The following FLNC variants were observed in gnomAD, a reference collection of about 807,000 sequenced individuals.
The protein encoded by FLNC is filamin C.
In FLNC, 91 loss-of-function variants were observed where a neutral mutation model predicts 254.3. The observed-to-expected ratio is 0.36, with a 90% CI of 0.30 to 0.43. FLNC has a LOEUF of 0.43. FLNC is among the 20% of genes least tolerant of loss of function. FLNC has a pLI of 1.00. For missense variants in FLNC, 2,853 were observed against 3,802.6 expected (o/e 0.75, Z 6.57); for synonymous variants, 1,430 against 1,577.2 (o/e 0.91, Z 2.21).
Position 128,853,018 on chromosome 7 carries a change from C to A in FLNC, c.6195C>A (p.Asp2065Glu), listed in dbSNP as rs766936904. The change falls in exon 37 of 48, where the codon GAC becomes GAA. Residue 2065 changes from aspartate (D) to glutamate (E), a missense_variant. This residue lies in a region of FLNC where 551 missense variants were observed against 835.0 expected (regional missense o/e 0.66). Transcript: ENST00000325888. ...TCCAGGTGGCAGAGTTCATCGTGGACACTCGCAATGCAGGTACCTCCTGCC... is the reference window on the plus strand; with the variant it reads ...TCCAGGTGGCAGAGTTCATCGTGGAAACTCGCAATGCAGGTACCTCCTGCC... ...HTFQVAEFIV[D>E]TRNAGYGGLG... 1 of 1,613,252 alleles carries A rather than the reference C, an allele frequency of 6.2e-7. No individual in the cohort carries two copies. Among genetic ancestry groups the A allele is most frequent in the Non-Finnish European group, 8.5e-7 (1 of 1,179,978 alleles).
At chr7:128,831,638 C>T (rs1027441794) in intron 1 of FLNC, among the ~76,000 whole-genome samples, 36 of 152,226 alleles carry the variant, frequency 2.4e-4, no homozygotes, top group African/African-American at 8.4e-4. Flanking sequence ...CCTCCTCCTG[C>T]TTCAGCCTGC....
Position 128,842,888 on chromosome 7 carries a change from C to A in FLNC, c.2484C>A (p.Thr828=). The A allele has an allele frequency of 6.2e-7, 1 of 1,614,060 alleles. No individual in the cohort carries two copies. The highest frequency in any genetic ancestry group is 8.5e-7 in the Non-Finnish European group (1 of 1,180,030). Residue 828 remains threonine, a synonymous_variant, in exon 16 of 48, where the codon ACC becomes ACA. Coordinates refer to ENST00000325888, the MANE Select transcript of FLNC (RefSeq NM_001458.5). The surrounding 1 kb of genome is among the most constrained non-coding windows in gnomAD (Gnocchi z 5.4). ...DFDIIKNDND[T]FTVKYTPPGA... ...ACATCATCAAGAATGACAACGACAC[C>A]TTCACCGTCAAGTACACGCCACCAG...
At position 128,844,250 on chromosome 7, in the gene FLNC, C is replaced by A; in HGVS notation, c.3176C>A (p.Pro1059His). The A allele has an allele frequency of 1.2e-6, 2 of 1,608,490 alleles. No homozygotes were observed. The highest frequency in any genetic ancestry group is 1.3e-5 in the African/African-American group (1 of 74,942). Residue 1059 changes from proline (P) to histidine (H), a missense_variant, in exon 20 of 48, where the codon CCC becomes CAC. Physicochemically the swap from Pro to His is moderately conservative, Grantham distance 77 (BLOSUM62 -2). Around this residue, in one of 10 missense-constraint regions of FLNC, gnomAD observed 1,573 missense variants for 1,883.5 expected, o/e 0.84. Coordinates refer to ENST00000325888, the MANE Select transcript of FLNC (RefSeq NM_001458.5). ...GSPFAVEGVLPPDPSKVCAYG... is the reference protein window; with the variant it reads ...GSPFAVEGVLHPDPSKVCAYG... ...CCGTTTGCTGTGGAGGGTGTCCTGC[C>A]CCCTGATCCCTCCAAGGTGAGGAGA...
intron 19 of FLNC, 22 bp from the exon 20 acceptor site, chr7:128,843,982 G>A (rs750809071): frequency 6.2e-7 from 1 of 1,614,138 alleles, no homozygotes; most frequent in East Asian, 2.2e-5. Context: ...TCTCCTCATG[G>A]TGTCACTTGC....
chr7:128,848,696 G>A lies in FLNC; in HGVS notation c.4716G>A (p.Gly1572=), dbSNP rs1336872937. The A allele has an allele frequency of 1.9e-6, 3 of 1,613,530 alleles. No individual in the cohort carries two copies. The highest frequency in any genetic ancestry group is 1.7e-5 in the Admixed American group (1 of 60,030). ...FTIDARDAGE[G]LLTVQILDPE... ...TCGACGCACGGGACGCGGGCGAGGG[G>A]TTGCTCACTGTCCAGATCTTGGTGA... The change falls in exon 27 of 48, where the codon GGG becomes GGA. Residue 1572 remains glycine, a synonymous_variant. Transcript: ENST00000325888.
chr7:128,839,752 T>C (rs1411125160), intron 8 of FLNC, among the ~76,000 whole-genome samples: 1 of 152,216 alleles, frequency 6.6e-6, no homozygotes, highest in Non-Finnish European at 1.5e-5. Flanking sequence ...GCCTTCCCTG[T>C]CTCTCTGAGC....
In FLNC at chr7:128,842,195, C is replaced by A. The variant is rs1477533157; in HGVS notation, c.2122-36C>A. On this transcript the variant is annotated intron_variant, in intron 13 of 47. Transcript: ENST00000325888. The surrounding 1 kb of genome is among the most constrained non-coding windows in gnomAD (Gnocchi z 5.4). ...GCCAGCAGAGGGCGCTCTGCAGAGG[C>A]CACAGCTATGAACTTTGCTTGGGTG... The A allele has an allele frequency of 1.9e-6, 3 of 1,611,206 alleles. No individual in the cohort carries two copies. In the Admixed American group the frequency reaches 5.0e-5, roughly 27 times the overall value.
rs1266575490 is a variant in FLNC at position 128,842,283 on chromosome 7, C to T, written c.2174C>T (p.Thr725Ile). Residue 725 changes from threonine to isoleucine, a missense_variant, in exon 14 of 48, where the codon ACC (threonine) becomes ATC (isoleucine). Transcript: ENST00000325888. This position sits in a 1 kb window ranked among gnomAD's most constrained non-coding sequence, Gnocchi z 5.4. Reference sequence around the variant, plus strand: ...AAGGTGATCCCCAACGGCGACGGCACCTTCCGCTGCTCCTACGTGCCCACC... The same window carrying T: ...AAGGTGATCCCCAACGGCGACGGCATCTTCCGCTGCTCCTACGTGCCCACC... ...DIKVIPNGDGTFRCSYVPTKP... is the reference protein window; with the variant it reads ...DIKVIPNGDGIFRCSYVPTKP... 3 of 1,613,892 alleles carry T rather than the reference C, an allele frequency of 1.9e-6. No homozygotes were observed. In the South Asian group the frequency reaches 3.3e-5, roughly 18 times the overall value.
Position 128,841,507 on chromosome 7 carries a change from C to A in FLNC, c.2061C>A (p.Pro687=), listed in dbSNP as rs545269561. The stretch of plus-strand genomic sequence containing the variant: ...CTACCGGCTGCATCGTGGACAAGCC[C>A]GCTGAGTTCACCATTGATGCTCGTG... The part of the protein sequence containing the change: ...LEPTGCIVDK[P]AEFTIDARAA... The change falls in exon 13 of 48, where the codon CCC becomes CCA. Residue 687 remains proline, a synonymous_variant. Transcript: ENST00000325888. This position sits in a 1 kb window ranked among gnomAD's most constrained non-coding sequence, Gnocchi z 4.3. 14 of 1,614,176 alleles carry A rather than the reference C, an allele frequency of 8.7e-6. No homozygotes were observed. Among genetic ancestry groups the A allele is most frequent in the Non-Finnish European group, 1.2e-5 (14 of 1,180,006 alleles).
At position 128,848,019 on chromosome 7, in the gene FLNC, G is replaced by A. The variant is rs1445118718; in HGVS notation, c.4531G>A (p.Gly1511Arg). 1.9e-6 allele frequency: 3 copies of A among 1,607,830 alleles called. No individual in the cohort carries two copies. The highest frequency in any genetic ancestry group is 2.3e-5 in the East Asian group (1 of 44,430). ...TGTCCACTACACCCCAGCCACTGAC[G>A]GGCCCTACACGGTAGCCGTCAAGTA... Reference protein sequence around the residue: ...HTVHYTPATDGPYTVAVKYAD... With the variant: ...HTVHYTPATDRPYTVAVKYAD... Residue 1511 changes from glycine to arginine, a missense_variant, in exon 26 of 48, where the codon GGG (glycine) becomes AGG (arginine). Physicochemically the swap from Gly to Arg is moderately radical, Grantham distance 125. Coordinates refer to ENST00000325888, the MANE Select transcript of FLNC (RefSeq NM_001458.5).
At chr7:128,844,525 A>G in intron 20 of FLNC, 133 bp from the exon 21 acceptor site, 3 of 973,146 alleles carry the variant, frequency 3.1e-6, no homozygotes, top group African/African-American at 1.6e-5. Context: ...CCTCAATGTC[A>G]TCACCTGGGA....
Position 128,857,940 on chromosome 7 carries a change from G to A in FLNC, c.7781-68G>A. On this transcript the variant is annotated intron_variant, in intron 46 of 47. Coordinates refer to ENST00000325888, the MANE Select transcript of FLNC (RefSeq NM_001458.5). This position sits in a 1 kb window ranked among gnomAD's most constrained non-coding sequence, Gnocchi z 4.5. The stretch of plus-strand genomic sequence containing the variant: ...CACAGGGTGGCAGTGCTGGCCGAGG[G>A]TCCCCTGCCTGGGGAAGAACAGGAA... 1.7e-6 allele frequency: 2 copies of A among 1,184,566 alleles called. No homozygotes were observed. The highest frequency in any genetic ancestry group is 2.0e-5 in the Admixed American group (1 of 51,058). 73.4% of individuals were successfully genotyped at this position (1,184,566 alleles called of 1,614,324 possible). A position where few individuals can be genotyped will look rare whatever the true frequency, so the allele number is the denominator to read the frequency against.
At chr7:128,833,622 C>T (rs953731129) in intron 1 of FLNC, among the ~76,000 whole-genome samples, 81 of 152,336 alleles carry the variant, frequency 5.3e-4, no homozygotes, top group African/African-American at 1.7e-3. Flanking sequence ...ACACACCGCC[C>T]CCCCCAACCC....
At position 128,842,203 on chromosome 7, in the gene FLNC, A is replaced by G. The variant is rs1409615983; in HGVS notation, c.2122-28A>G. 4 of 1,612,576 alleles carry G rather than the reference A, an allele frequency of 2.5e-6. No individual in the cohort carries two copies. Among genetic ancestry groups the G allele is most frequent in the South Asian group, 1.1e-5 (1 of 90,954 alleles). The stretch of plus-strand genomic sequence containing the variant: ...AGGGCGCTCTGCAGAGGCCACAGCT[A>G]TGAACTTTGCTTGGGTGATGCCCAC... On this transcript the variant is annotated intron_variant, in intron 13 of 47. Coordinates refer to ENST00000325888, the MANE Select transcript of FLNC (RefSeq NM_001458.5). This position sits in a 1 kb window ranked among gnomAD's most constrained non-coding sequence, Gnocchi z 5.4.
In FLNC at chr7:128,847,056, A is replaced by G. The variant is rs192120015; in HGVS notation, c.4288+151A>G. On this transcript the variant is annotated intron_variant, in intron 24 of 47. Transcript: ENST00000325888. The stretch of plus-strand genomic sequence containing the variant: ...TTGGGGCCGGAGCCCGGCCAGAGGG[A>G]GGACGTGGAGGAGGCAGGCAATGAG... The G allele has an allele frequency of 1.0e-4, 94 of 904,986 alleles. No homozygotes were observed. In the African/African-American group the frequency reaches 1.2e-3, roughly 11 times the overall value. The allele number at this position is 904,986 out of a possible 1,614,324, so 56.1% of individuals were successfully genotyped here. A position where few individuals can be genotyped will look rare whatever the true frequency, so the allele number is the denominator to read the frequency against.
rs761823234 is a variant in FLNC at position 128,843,439 on chromosome 7, G to A, written c.2673G>A (p.Thr891=). Residue 891 remains threonine, a synonymous_variant, in exon 18 of 48, where the codon ACG becomes ACA. Transcript: ENST00000325888. ...GVEVGKPTHF[T]VLTKGAGKAK... is the part of the protein sequence containing the mutation. ...AAGTCGGGAAGCCCACCCACTTCAC[G>A]GTGCTGACCAAGGGAGCCGGCAAGG... The A allele has an allele frequency of 4.5e-5, 72 of 1,613,978 alleles. 1 individual carries two copies. The Middle Eastern group carries it at 4.9e-4, about 11-fold the overall frequency.
At position 128,838,825 on chromosome 7, in the gene FLNC, C is replaced by G. The variant is rs370540233; in HGVS notation, c.1411+22C>G. 4.5e-5 allele frequency: 73 copies of G among 1,606,322 alleles called. No individual in the cohort carries two copies. In the Admixed American group the frequency reaches 5.0e-4, roughly 11 times the overall value. ...GAAGGTAAGGGCCCTTCACTGCTCC[C>G]CACGGTAGCCCTTACCAAAGCCAGA... On this transcript the variant is annotated intron_variant, in intron 8 of 47. Coordinates refer to ENST00000325888, the MANE Select transcript of FLNC (RefSeq NM_001458.5).
chr7:128,844,446 T>C (rs954836092), intron 20 of FLNC, among the ~76,000 whole-genome samples, 180 bp downstream of exon 20: 1 of 152,222 alleles, frequency 6.6e-6, no homozygotes, highest in Non-Finnish European at 1.5e-5. Flanking sequence ...ATTAAGAGCC[T>C]GGCCTTGGAG....
chr7:128,841,144 C>A lies in FLNC; in HGVS notation c.1814-26C>A. On this transcript the variant is annotated intron_variant, in intron 11 of 47. Coordinates refer to ENST00000325888, the MANE Select transcript of FLNC (RefSeq NM_001458.5). This position sits in a 1 kb window ranked among gnomAD's most constrained non-coding sequence, Gnocchi z 4.3. ...GAAGGGTCTTGCCTGATGCTGGATC[C>A]CCGACCCTCCCCCACCTTGCCCCAG... is the stretch of plus-strand genomic sequence containing the variant. 1 of 1,611,410 alleles carries A rather than the reference C, an allele frequency of 6.2e-7. No individual in the cohort carries two copies. The highest frequency in any genetic ancestry group is 8.5e-7 in the Non-Finnish European group (1 of 1,179,090).
Sources: gnomAD v4.1 joint callset for allele counts (sites outside exome capture counted in the v4.1 genomes callset) on GRCh38, gnomAD v4.1.1 for gene constraint, gnomAD v4.1.1 regional missense constraint, Gnocchi (gnomAD v3.1) non-coding constraint, MANE v1.5 for transcripts, NCBI Gene and HGNC (gene_info 2026-07-23, HGNC 2026-07-21) for gene names.